PIGF: variants seen among roughly 807,000 people sequenced by gnomAD.
The protein encoded by PIGF is phosphatidylinositol glycan anchor biosynthesis class F, also known as GPI ethanolamine phosphate transferase, stabilizing subunit.
A neutral mutation model predicts 26.0 loss-of-function variants in PIGF; 23 were observed. The observed-to-expected ratio is 0.88, with a 90% CI of 0.64 to 1.25. The LOEUF (loss-of-function observed/expected upper bound fraction) is 1.25. PIGF is among the 50% of genes most tolerant of loss of function. The pLI, the probability that PIGF is intolerant of heterozygous loss-of-function variation, is 0.00. For missense variants in PIGF, 278 were observed against 249.9 expected (o/e 1.11, Z -0.76); for synonymous variants, 93 against 92.6 (o/e 1.00, Z -0.03).
chr2:46,584,566 A>G (rs1195525054), intron 5 of PIGF, among the ~76,000 whole-genome samples: 1 of 152,204 alleles, frequency 6.6e-6, no homozygotes, highest in Admixed American at 6.5e-5. Context: ...CAAAAATGAA[A>G]TGTTAAAAAA....
rs1399127024 is a variant in PIGF at position 46,589,404 on chromosome 2, T to C, written c.546+3071A>G. ...CATTACAGAATCCACATCACTATAA[T>C]CTTATGCTTGGCCTCAGGAATGTTA... On this transcript the variant is annotated intron_variant, in intron 5 of 5. Transcript: ENST00000281382. The surrounding 1 kb of genome is among the most constrained non-coding windows in gnomAD (Gnocchi z 4.7). 6.6e-6 allele frequency among the ~76,000 whole-genome samples: 1 copy of C among 152,000 alleles called. No individual in the cohort carries two copies. Among genetic ancestry groups the C allele is most frequent in the Non-Finnish European group, 1.5e-5 (1 of 67,936 alleles).
intron 4 of PIGF, among the ~76,000 whole-genome samples, chr2:46,596,002 C>A (rs1368265144): frequency 6.6e-6 from 1 of 152,046 alleles, no homozygotes; most frequent in Non-Finnish European, 1.5e-5. Context: ...ATCACAAGGT[C>A]AGGAGTTCGA....
intron 5 of PIGF, among the ~76,000 whole-genome samples, chr2:46,586,015 C>A (rs1443257329): frequency 6.6e-6 from 1 of 152,154 alleles, no homozygotes; most frequent in Non-Finnish European, 1.5e-5. Context: ...ACCTCGTGAT[C>A]CGTCTGCCTC....
chr2:46,613,060 A>AT (rs70940630), intron 3 of PIGF, among the ~76,000 whole-genome samples: 8 of 151,112 alleles, frequency 5.3e-5, no homozygotes, highest in African/African-American at 1.7e-4. Context: ...ATATATATAT[A>AT]AAATGGTATA....
intron 5 of PIGF, chr2:46,591,455 GAA>G (rs1229515192): frequency 1.5e-6 from 1 of 645,328 alleles, no homozygotes; most frequent in Admixed American, 6.3e-5. Context: ...TTCGTGATCA[GAA>G]AAAAATTATC....
intron 5 of PIGF, chr2:46,591,662 T>C: frequency 1.0e-6 from 1 of 995,614 alleles, no homozygotes; most frequent in Non-Finnish European, 1.2e-6. Context: ...AGTTATAAAG[T>C]ATATAATGGC....
At chr2:46,592,368 C>G in intron 5 of PIGF, 107 bp downstream of exon 5, 3 of 666,382 alleles carry the variant, frequency 4.5e-6, no homozygotes, top group Non-Finnish European at 8.2e-6. Flanking sequence ...GGTATCCCTA[C>G]TTAATTGAAC....
At chr2:46,585,055 A>G (rs1396060528) in intron 5 of PIGF, among the ~76,000 whole-genome samples, 8 of 152,340 alleles carry the variant, frequency 5.3e-5, no homozygotes, top group East Asian at 1.9e-4. Context: ...TTTCTATTCA[A>G]CGTTCTTCAT....
In PIGF at chr2:46,592,597, A is replaced by T; in HGVS notation, c.438-14T>A. ...ATGGATGTAACTCTGTGAAACACAA[A>T]TTGGTACATCGTTGGTGGTATATAC... On this transcript the variant is annotated splice_polypyrimidine_tract_variant and intron_variant, in intron 4 of 5. Transcript: ENST00000281382. 2 of 1,352,174 alleles carry T rather than the reference A, an allele frequency of 1.5e-6. No homozygotes were observed. The highest frequency in any genetic ancestry group is 2.1e-6 in the Non-Finnish European group (2 of 940,466). 83.8% of individuals were successfully genotyped at this position (1,352,174 alleles called of 1,614,324 possible).
intron 4 of PIGF, among the ~76,000 whole-genome samples, chr2:46,604,730 G>A (rs1670164887): frequency 6.6e-6 from 1 of 151,770 alleles, no homozygotes; most frequent in African/African-American, 2.4e-5. Flanking sequence ...AGTGGGGGTG[G>A]GGGGTGCAGA....
Position 46,614,973 on chromosome 2 carries a change from T to C in PIGF, c.192A>G (p.Pro64=), listed in dbSNP as rs2104150937. The C allele has an allele frequency of 1.3e-6, 2 of 1,591,140 alleles. No individual in the cohort carries two copies. The highest frequency in any genetic ancestry group is 1.7e-6 in the Non-Finnish European group (2 of 1,159,102). The change falls in exon 2 of 6, where the codon CCA becomes CCG. Residue 64 remains proline (P), a synonymous_variant. Coordinates refer to ENST00000281382, the MANE Select transcript of PIGF (RefSeq NM_002643.4). ...VNLVLYLVVK[P]NTSSKRSSLS... ...ATGAACTTCTTTTAGAGGATGTATT[T>C]GGTTTCACTACTAAATATAGTACTA...
intron 3 of PIGF, among the ~76,000 whole-genome samples, chr2:46,612,869 G>A (rs886686539): frequency 7.2e-5 from 11 of 152,246 alleles, no homozygotes; most frequent in Non-Finnish European, 1.6e-4. Flanking sequence ...TTGATAAAAT[G>A]CTGATGCTGC....
chr2:46,585,462 C>T (rs1194612211), intron 5 of PIGF, among the ~76,000 whole-genome samples: 6 of 152,064 alleles, frequency 3.9e-5, no homozygotes, highest in South Asian at 2.1e-4. Flanking sequence ...GTTAAGTGAC[C>T]TTAGCCAGCT....
At position 46,588,028 on chromosome 2, in the gene PIGF, C is replaced by G. The variant is rs1363312964; in HGVS notation, c.546+4447G>C. The G allele has an allele frequency of 6.8e-7, 1 of 1,471,370 alleles. No individual in the cohort carries two copies. 91.1% of individuals were successfully genotyped at this position (1,471,370 alleles called of 1,614,324 possible). A position where few individuals can be genotyped will look rare whatever the true frequency, so the allele number is the denominator to read the frequency against. ...GCTAAGCAAGATGTGTACTCCTCCC[C>G]TCTCACACTTGGACTTTCTAGTGTA... On this transcript the variant is annotated intron_variant, in intron 5 of 5. Coordinates refer to ENST00000281382, the MANE Select transcript of PIGF (RefSeq NM_002643.4). This position sits in a 1 kb window ranked among gnomAD's most constrained non-coding sequence, Gnocchi z 4.1.
At chr2:46,592,714 T>C (rs1397530574) in intron 4 of PIGF, 131 bp from the exon 5 acceptor site, 3 of 592,658 alleles carry the variant, frequency 5.1e-6, no homozygotes, top group Admixed American at 2.9e-5. Flanking sequence ...CAAAATGACA[T>C]ATACATATTT....
intron 4 of PIGF, among the ~76,000 whole-genome samples, chr2:46,599,119 C>T (rs1340644756): frequency 6.6e-6 from 1 of 152,190 alleles, no homozygotes; most frequent in East Asian, 1.9e-4. Context: ...TGTAGGATTT[C>T]GTTTAAAACT....
At position 46,585,893 on chromosome 2, in the gene PIGF, C is replaced by G. The variant is rs534160732; in HGVS notation, c.547-4302G>C. On this transcript the variant is annotated intron_variant, in intron 5 of 5. Coordinates refer to ENST00000281382, the MANE Select transcript of PIGF (RefSeq NM_002643.4). ...GGTTCACGCTATTCTCCTGCCTCAGCCTCCCGAGTAGCTGGGACTACAGGT... is the reference window on the plus strand; with the variant it reads ...GGTTCACGCTATTCTCCTGCCTCAGGCTCCCGAGTAGCTGGGACTACAGGT... 1.3e-5 allele frequency among the ~76,000 whole-genome samples: 2 copies of G among 152,230 alleles called. 1 individual carries two copies. Among genetic ancestry groups the G allele is most frequent in the South Asian group, 4.1e-4 (2 of 4,828 alleles).
chr2:46,614,004 A>T, intron 2 of PIGF: 1 of 453,084 alleles, frequency 2.2e-6, no homozygotes, highest in East Asian at 4.3e-5. Context: ...TTCCGCCCAT[A>T]TTCTACCCAT....
chr2:46,604,140 A>T (rs1250748769), intron 4 of PIGF, among the ~76,000 whole-genome samples: 1 of 152,116 alleles, frequency 6.6e-6, no homozygotes, highest in Non-Finnish European at 1.5e-5. Context: ...CGTCAGAGAA[A>T]TGCAAATCAA....
Sources: allele counts gnomAD v4.1 joint callset (sites outside exome capture counted in the v4.1 genomes callset), GRCh38; gene constraint gnomAD v4.1.1; non-coding constraint Gnocchi (gnomAD v3.1); transcripts MANE v1.5; gene names NCBI Gene and HGNC (gene_info 2026-07-23, HGNC 2026-07-21).